The following PDE3A variants were observed in gnomAD, a reference collection of about 807,000 sequenced individuals.
The protein encoded by PDE3A is phosphodiesterase 3A, also known as cGMP-inhibited 3',5'-cyclic phosphodiesterase 3A.
PDE3A carries 43 observed loss-of-function variants against 98.3 expected under a neutral mutation model. The observed-to-expected ratio is 0.44, with a 90% confidence interval of 0.34 to 0.56. The LOEUF (loss-of-function observed/expected upper bound fraction) is 0.56, where lower values mean the gene tolerates loss of function less well. Ranked by LOEUF, PDE3A falls within the 20% of genes least tolerant of loss-of-function variation. The pLI, the probability that PDE3A is intolerant of heterozygous loss-of-function variation, is 0.01. For missense variants in PDE3A, 1,427 were observed against 1,440.7 expected (o/e 0.99, Z 0.15); for synonymous variants, 663 against 567.9 (o/e 1.17, Z -2.38).
At chr12:20,673,021 C>T (rs1047828239) in intron 15 of PDE3A, among the ~76,000 whole-genome samples, 2 of 151,526 alleles carry the variant, frequency 1.3e-5, no homozygotes, top group African/African-American at 4.8e-5. Context: ...CAAACAACCC[C>T]ATCAAAAAGT....
chr12:20,568,747 C>T (rs1942722984), intron 2 of PDE3A, among the ~76,000 whole-genome samples: 1 of 151,916 alleles, frequency 6.6e-6, no homozygotes, highest in Non-Finnish European at 1.5e-5. Context: ...TAAACTTTTT[C>T]ATAATGTATA....
chr12:20,630,034 A>G lies in PDE3A; in HGVS notation c.1667A>G (p.Lys556Arg). The G allele has an allele frequency of 6.2e-7, 1 of 1,614,034 alleles. No individual in the cohort carries two copies. Among genetic ancestry groups the G allele is most frequent in the Non-Finnish European group, 8.5e-7 (1 of 1,179,952 alleles). Residue 556 changes from lysine to arginine, a missense_variant, in exon 6 of 16, where the codon AAA (lysine) becomes AGA (arginine). Transcript: ENST00000359062. ...CCAGAATCTGCTGACACAACTGCCAAACAAAGCCTAGGTTCTCACAGGGCC... is the reference window on the plus strand; with the variant it reads ...CCAGAATCTGCTGACACAACTGCCAGACAAAGCCTAGGTTCTCACAGGGCC... Reference protein sequence around the residue: ...QFPESADTTAKQSLGSHRALT... With the variant: ...QFPESADTTARQSLGSHRALT...
chr12:20,657,683 T>A (rs1945074694), intron 15 of PDE3A, among the ~76,000 whole-genome samples: 1 of 152,188 alleles, frequency 6.6e-6, no homozygotes, highest in African/African-American at 2.4e-5. Context: ...TACAGGCATG[T>A]TTTAGACCAC....
chr12:20,623,101 A>T (rs1337613103), intron 5 of PDE3A, among the ~76,000 whole-genome samples: 13 of 152,160 alleles, frequency 8.5e-5, no homozygotes, highest in African/African-American at 3.1e-4. Context: ...AGTCAAGGAA[A>T]TATTAAATAG....
intron 12 of PDE3A, among the ~76,000 whole-genome samples, chr12:20,647,813 C>T (rs1052475256): frequency 2.0e-5 from 3 of 152,012 alleles, no homozygotes; most frequent in African/African-American, 7.2e-5. Flanking sequence ...GTCTTTCATA[C>T]ACCAGAATTA....
At chr12:20,558,218 C>T (rs568956408) in intron 2 of PDE3A, among the ~76,000 whole-genome samples, 1 of 151,080 alleles carries the variant, frequency 6.6e-6, no homozygotes, top group South Asian at 2.1e-4. Context: ...AAAAAAAAAC[C>T]TCACAATTGT....
At chr12:20,606,661 C>T (rs1245338112) in intron 2 of PDE3A, among the ~76,000 whole-genome samples, 1 of 151,622 alleles carries the variant, frequency 6.6e-6, no homozygotes, top group Admixed American at 6.6e-5. Flanking sequence ...GAGTTTGAGA[C>T]CAGCCTAACC....
At chr12:20,542,050 C>T (rs528419241) in intron 1 of PDE3A, among the ~76,000 whole-genome samples, 1 of 152,072 alleles carries the variant, frequency 6.6e-6, no homozygotes, top group African/African-American at 2.4e-5. Context: ...TATTGTAGTC[C>T]GTCTATGCTT....
In PDE3A at chr12:20,581,616, C is replaced by CT. The variant is rs1158345396; in HGVS notation, c.1011+24920dup. Among the ~76,000 whole-genome samples, 13 of 4,170 alleles carry CT rather than the reference C, an allele frequency of 3.1e-3. 1 individual carries two copies. Among genetic ancestry groups the CT allele is most frequent in the African/African-American group, 0.013 (13 of 1,002 alleles). 2.7% of individuals were successfully genotyped at this position (4,170 alleles called of 152,430 possible). On this transcript the variant is annotated intron_variant, in intron 2 of 15. Coordinates refer to ENST00000359062, the MANE Select transcript of PDE3A (RefSeq NM_000921.5). ...CATGTACATAGATTTCTTTTCTTTT[C>CT]TTTTTTTTTTTTTTGAGACGGAGTC...
At chr12:20,413,216 A>G (rs1944364948) in intron 1 of PDE3A, among the ~76,000 whole-genome samples, 1 of 152,224 alleles carries the variant, frequency 6.6e-6, no homozygotes. Context: ...TTCTTTAAAC[A>G]AAGACTTGAA....
intron 15 of PDE3A, among the ~76,000 whole-genome samples, chr12:20,655,344 G>A (rs1340811217): frequency 1.3e-5 from 2 of 152,140 alleles, no homozygotes; most frequent in African/African-American, 2.4e-5. Flanking sequence ...CCAAAGAGAG[G>A]AGAAAGCAAC....
At chr12:20,611,707 G>T (rs1007145759) in intron 2 of PDE3A, among the ~76,000 whole-genome samples, 1 of 151,654 alleles carries the variant, frequency 6.6e-6, no homozygotes, top group Non-Finnish European at 1.5e-5. Flanking sequence ...TACAGGTATT[G>T]CAGGACTAGA....
At chr12:20,396,378 T>C (rs1944018545) in intron 1 of PDE3A, among the ~76,000 whole-genome samples, 2 of 152,124 alleles carry the variant, frequency 1.3e-5, no homozygotes, top group South Asian at 2.1e-4. Flanking sequence ...TGTAGTGCTA[T>C]TGTGAAGCCA....
intron 2 of PDE3A, among the ~76,000 whole-genome samples, chr12:20,600,452 C>T (rs1337421529): frequency 1.3e-5 from 2 of 152,098 alleles, no homozygotes; most frequent in Non-Finnish European, 2.9e-5. Context: ...TTGAATATGG[C>T]TCATATTCCT....
intron 1 of PDE3A, among the ~76,000 whole-genome samples, chr12:20,488,757 C>T (rs370432556): frequency 2.0e-5 from 3 of 151,852 alleles, no homozygotes; most frequent in Non-Finnish European, 4.4e-5. Context: ...CCACGTGTAC[C>T]TGTAGTCCCA....
At chr12:20,612,904 G>A (rs1424677501) in intron 2 of PDE3A, among the ~76,000 whole-genome samples, 1 of 151,804 alleles carries the variant, frequency 6.6e-6, no homozygotes, top group Non-Finnish European at 1.5e-5. Flanking sequence ...ACAACAGGAA[G>A]AGAGACAGAT....
intron 15 of PDE3A, among the ~76,000 whole-genome samples, chr12:20,670,689 A>C (rs1387506087): frequency 2.7e-5 from 4 of 145,954 alleles, no homozygotes; most frequent in Non-Finnish European, 1.5e-5. Context: ...TCTGGGACGC[A>C]TTCAAAGCAG....
At chr12:20,406,713 G>A (rs1329619514) in intron 1 of PDE3A, among the ~76,000 whole-genome samples, 1 of 152,016 alleles carries the variant, frequency 6.6e-6, no homozygotes, top group East Asian at 1.9e-4. Flanking sequence ...TTAGTTTGAT[G>A]GAGTCCTACT....
Position 20,648,729 on chromosome 12 carries a change from C to T in PDE3A, c.2607C>T (p.His869=). ...YNDRSVLENH[H]AAAAWNLFMS... is the part of the protein sequence containing the mutation. ...ATCGTTCAGTTTTGGAGAATCATCA[C>T]GCAGCTGCTGCATGGAATCTTTTCA... The change falls in exon 13 of 16, where the codon CAC becomes CAT. Residue 869 remains histidine, a synonymous_variant. Coordinates refer to ENST00000359062, the MANE Select transcript of PDE3A (RefSeq NM_000921.5). The T allele has an allele frequency of 1.9e-6, 3 of 1,612,838 alleles. No individual in the cohort carries two copies. The highest frequency in any genetic ancestry group is 2.2e-5 in the East Asian group (1 of 44,864).
Sources: allele counts gnomAD v4.1 joint callset (sites outside exome capture counted in the v4.1 genomes callset), GRCh38; gene constraint gnomAD v4.1.1; transcripts MANE v1.5; gene names NCBI Gene and HGNC (gene_info 2026-07-23, HGNC 2026-07-21).